The following ZFPM2 variants were observed in gnomAD, a reference collection of about 807,000 sequenced individuals.
The protein encoded by ZFPM2 is zinc finger protein, FOG family member 2.
In ZFPM2, 20 loss-of-function variants were observed where a neutral mutation model predicts 98.6. The observed-to-expected ratio is 0.20, with a 90% CI of 0.14 to 0.29. The LOEUF is 0.29. ZFPM2 is among the 10% of genes least tolerant of loss of function. The probability of loss-of-function intolerance (pLI) is 1.00; values close to 1 mark genes in which losing one functional copy is unlikely to be tolerated. For missense variants in ZFPM2, 1,310 were observed against 1,388.6 expected (o/e 0.94, Z 0.90); for synonymous variants, 518 against 502.7 (o/e 1.03, Z -0.41).
At chr8:105,526,260 C>T (rs983776368) in intron 3 of ZFPM2, among the ~76,000 whole-genome samples, 2 of 152,044 alleles carry the variant, frequency 1.3e-5, no homozygotes, top group African/African-American at 4.8e-5. Context: ...AAAATCATTC[C>T]CTCCAGAGCC....
intron 1 of ZFPM2, among the ~76,000 whole-genome samples, chr8:105,346,755 A>G (rs146935954): frequency 6.6e-6 from 1 of 152,304 alleles, no homozygotes; most frequent in East Asian, 1.9e-4. Flanking sequence ...ATTGACAGCC[A>G]ATATTTGGAA....
chr8:105,674,559 G>A (rs1253193841), intron 5 of ZFPM2, among the ~76,000 whole-genome samples: 2 of 152,006 alleles, frequency 1.3e-5, no homozygotes, highest in African/African-American at 2.4e-5. Flanking sequence ...TTTTTGTTCC[G>A]TACCTTGGCA....
chr8:105,798,827 T>C lies in ZFPM2; in HGVS notation c.843T>C (p.Ala281=). The change falls in exon 7 of 8, where the codon GCT becomes GCC. Residue 281 remains alanine (A), a synonymous_variant. Transcript: ENST00000407775. Reference sequence around the variant, plus strand: ...GCAGTGGGAGGCAAAGAGAAGCTGCTCCGGTGTCAGAGGAAAATGAAGACA... The same window carrying C: ...GCAGTGGGAGGCAAAGAGAAGCTGCCCCGGTGTCAGAGGAAAATGAAGACA... ...YYCSGRQREA[A]PVSEENEDSA... is the part of the protein sequence containing the mutation. 2 of 1,613,902 alleles carry C rather than the reference T, an allele frequency of 1.2e-6. No homozygotes were observed. Among genetic ancestry groups the C allele is most frequent in the Non-Finnish European group, 1.7e-6 (2 of 1,179,864 alleles).
At chr8:105,431,274 T>C (rs898016738) in intron 2 of ZFPM2, among the ~76,000 whole-genome samples, 1 of 152,174 alleles carries the variant, frequency 6.6e-6, no homozygotes, top group African/African-American at 2.4e-5. Context: ...CAAGTGGCCA[T>C]ATGCCCAACT....
chr8:105,652,874 C>T (rs986231027), intron 5 of ZFPM2, among the ~76,000 whole-genome samples: 1 of 152,092 alleles, frequency 6.6e-6, no homozygotes, highest in Non-Finnish European at 1.5e-5. Flanking sequence ...AATTCCAGAA[C>T]TAATCATATT....
chr8:105,556,510 G>C (rs1333698495), intron 3 of ZFPM2, among the ~76,000 whole-genome samples: 1 of 152,120 alleles, frequency 6.6e-6, no homozygotes, highest in Non-Finnish European at 1.5e-5. Flanking sequence ...CAAAGGGTTA[G>C]GTAACTTGCT....
chr8:105,480,788 C>T (rs1813099300), intron 3 of ZFPM2, among the ~76,000 whole-genome samples: 1 of 149,704 alleles, frequency 6.7e-6, no homozygotes, highest in African/African-American at 2.5e-5. Context: ...TTTTGCTCTG[C>T]CTCCCAGTCT....
intron 3 of ZFPM2, among the ~76,000 whole-genome samples, chr8:105,449,632 T>C (rs1256652052): frequency 6.6e-6 from 1 of 152,004 alleles, no homozygotes; most frequent in Non-Finnish European, 1.5e-5. Flanking sequence ...ATGTCATGAA[T>C]GGAGAAGGCC....
intron 5 of ZFPM2, among the ~76,000 whole-genome samples, chr8:105,739,208 A>C (rs377116136): frequency 1.1e-4 from 17 of 152,116 alleles, no homozygotes; most frequent in Admixed American, 7.2e-4. Flanking sequence ...GTTTAATTAA[A>C]GAAAAAAGGA....
At chr8:105,331,884 A>T (rs1274874026) in intron 1 of ZFPM2, among the ~76,000 whole-genome samples, 1 of 151,752 alleles carries the variant, frequency 6.6e-6, no homozygotes, top group Non-Finnish European at 1.5e-5. Flanking sequence ...TGAAAAACAT[A>T]AAGTCAAGTC....
chr8:105,710,695 GT>G (rs1428779551), intron 5 of ZFPM2, among the ~76,000 whole-genome samples: 4 of 145,168 alleles, frequency 2.8e-5, no homozygotes, highest in African/African-American at 1.1e-4. Flanking sequence ...GTGTGTGTGT[GT>G]GTGTGTATGT....
intron 4 of ZFPM2, among the ~76,000 whole-genome samples, chr8:105,580,435 G>A (rs1815564734): frequency 6.6e-6 from 1 of 151,988 alleles, no homozygotes; most frequent in Non-Finnish European, 1.5e-5. Flanking sequence ...TACAAATGTA[G>A]TTGCATCATA....
At chr8:105,683,402 C>T (rs1306632124) in intron 5 of ZFPM2, among the ~76,000 whole-genome samples, 6 of 152,072 alleles carry the variant, frequency 3.9e-5, no homozygotes, top group Non-Finnish European at 7.4e-5. Context: ...CAAACAGCCT[C>T]GTGGAATCAA....
At chr8:105,792,261 A>ATG (rs1813637834) in intron 6 of ZFPM2, among the ~76,000 whole-genome samples, 1 of 152,104 alleles carries the variant, frequency 6.6e-6, no homozygotes, top group Non-Finnish European at 1.5e-5. Context: ...ACTGCTTTGA[A>ATG]TGTGTCCCAG....
rs1812809246 is a variant in ZFPM2 at position 105,764,319 on chromosome 8, C to CACACACACACAT, written c.533-24392_533-24391insCACATACACACA. Among the ~76,000 whole-genome samples, 3 of 145,906 alleles carry CACACACACACAT rather than the reference C, an allele frequency of 2.1e-5. No homozygotes were observed. The South Asian group carries it at 6.5e-4, about 32-fold the overall frequency. On this transcript the variant is annotated intron_variant, in intron 5 of 7. Coordinates refer to ENST00000407775, the MANE Select transcript of ZFPM2 (RefSeq NM_012082.4). ...ACACACACACACACACACACACACA[C>CACACACACACAT]ACACACATATTTGGAAATACTCAAA...
intron 3 of ZFPM2, among the ~76,000 whole-genome samples, chr8:105,488,913 C>T (rs1046238855): frequency 7.9e-5 from 12 of 151,968 alleles, no homozygotes; most frequent in African/African-American, 2.7e-4. Context: ...TCGATCTGTC[C>T]GGGTCCATTA....
At chr8:105,351,383 T>TGTGTGTGTG (rs1341418183) in intron 1 of ZFPM2, among the ~76,000 whole-genome samples, 5 of 74,590 alleles carry the variant, frequency 6.7e-5, no homozygotes, top group African/African-American at 2.0e-4. Context: ...GTGTGTGTGT[T>TGTGTGTGTG]TGTGTGTGTG....
chr8:105,449,484 A>C (rs994578339), intron 3 of ZFPM2, among the ~76,000 whole-genome samples: 1 of 152,186 alleles, frequency 6.6e-6, no homozygotes, highest in African/African-American at 2.4e-5. Flanking sequence ...GTAGAAAATC[A>C]AACACTATAT....
At chr8:105,713,558 G>A (rs962025343) in intron 5 of ZFPM2, among the ~76,000 whole-genome samples, 1 of 151,796 alleles carries the variant, frequency 6.6e-6, no homozygotes, top group African/African-American at 2.4e-5. Context: ...TTTGTTGCAA[G>A]AACTTTTGAG....
Sources: allele counts gnomAD v4.1 joint callset (sites outside exome capture counted in the v4.1 genomes callset), GRCh38; gene constraint gnomAD v4.1.1; transcripts MANE v1.5; gene names NCBI Gene and HGNC (gene_info 2026-07-23, HGNC 2026-07-21).